CPQ: variants seen among roughly 807,000 people sequenced by gnomAD.
The protein encoded by CPQ is carboxypeptidase Q, also known as Ser-Met dipeptidase.
CPQ carries 37 observed loss-of-function variants against 45.7 expected under a neutral mutation model. The observed-to-expected ratio is 0.81, with a 90% CI of 0.62 to 1.07. CPQ has a LOEUF of 1.07. Among genes scored for constraint, CPQ ranks in the 50% least tolerant of loss-of-function variants. CPQ has a pLI of 0.00. For missense variants in CPQ, 537 were observed against 572.9 expected (o/e 0.94, Z 0.64); for synonymous variants, 186 against 205.8 (o/e 0.90, Z 0.82).
intron 2 of CPQ, among the ~76,000 whole-genome samples, chr8:96,808,670 G>T (rs1481587095): frequency 2.0e-5 from 3 of 152,148 alleles, no homozygotes; most frequent in Non-Finnish European, 2.9e-5. Context: ...CCTTCGTGGT[G>T]GCCGTAAGAT....
At chr8:96,822,844 T>G (rs754876508) in intron 2 of CPQ, among the ~76,000 whole-genome samples, 11 of 152,052 alleles carry the variant, frequency 7.2e-5, no homozygotes, top group Admixed American at 1.3e-4. Context: ...CTTAAATATC[T>G]CCTCAGAGAA....
rs112272431 is a variant in CPQ, at chr8:96,813,189, C to T, written c.434-21784C>T. ...AACTTTTACCACTTCCTAACTCAAG[C>T]CTCAACTCTAGCTCAACCATTCTTC... On this transcript the variant is annotated intron_variant, in intron 2 of 7. Transcript: ENST00000220763. Among the ~76,000 whole-genome samples the T allele has an allele frequency of 1.5e-3, 235 of 152,190 alleles. 1 individual carries two copies. Among genetic ancestry groups the T allele is most frequent in the African/African-American group, 5.5e-3 (230 of 41,542 alleles).
chr8:97,101,951 C>CT (rs1563580569), intron 7 of CPQ, among the ~76,000 whole-genome samples: 66 of 90,770 alleles, frequency 7.3e-4, no homozygotes, highest in African/African-American at 2.6e-3. Flanking sequence ...TCCCTCCCTC[C>CT]CTCTCTCTCT....
At chr8:96,813,554 T>A (rs1811185911) in intron 2 of CPQ, among the ~76,000 whole-genome samples, 1 of 151,996 alleles carries the variant, frequency 6.6e-6, no homozygotes, top group Non-Finnish European at 1.5e-5. Context: ...AAAAGACAGG[T>A]AGGAATTAAA....
chr8:96,941,824 T>C (rs1813126512), intron 4 of CPQ, among the ~76,000 whole-genome samples: 1 of 152,214 alleles, frequency 6.6e-6, no homozygotes, highest in Non-Finnish European at 1.5e-5. Flanking sequence ...TTTTCATATC[T>C]TTACATACAT....
chr8:96,815,061 G>A (rs925711123), intron 2 of CPQ, among the ~76,000 whole-genome samples: 4 of 152,106 alleles, frequency 2.6e-5, no homozygotes, highest in Non-Finnish European at 4.4e-5. Context: ...TGTGTTTGTC[G>A]TAGAGGTGAT....
intron 6 of CPQ, among the ~76,000 whole-genome samples, chr8:97,050,805 C>T (rs1198077606): frequency 1.3e-5 from 2 of 152,186 alleles, no homozygotes. Context: ...TCCCTTTTCA[C>T]TCTCAAAAGT....
chr8:96,772,309 G>A (rs901090593), intron 1 of CPQ, among the ~76,000 whole-genome samples: 1 of 152,088 alleles, frequency 6.6e-6, no homozygotes, highest in African/African-American at 2.4e-5. Flanking sequence ...TGACTATAGA[G>A]TTGAAAAGAG....
At chr8:96,677,014 T>C (rs1809084983) in intron 1 of CPQ, among the ~76,000 whole-genome samples, 2 of 152,160 alleles carry the variant, frequency 1.3e-5, no homozygotes, top group Non-Finnish European at 1.5e-5. Context: ...TTGTTCATTT[T>C]TATGGCTGAG....
intron 1 of CPQ, among the ~76,000 whole-genome samples, chr8:96,769,895 A>T (rs1215098465): frequency 6.6e-6 from 1 of 152,098 alleles, no homozygotes; most frequent in East Asian, 1.9e-4. Context: ...TCTCAGTCCC[A>T]TCATGATGTA....
intron 1 of CPQ, among the ~76,000 whole-genome samples, chr8:96,745,979 T>A (rs1179715640): frequency 6.6e-6 from 1 of 152,214 alleles, no homozygotes; most frequent in Non-Finnish European, 1.5e-5. Flanking sequence ...TTATTGAAAC[T>A]GTGCCAGAGC....
chr8:96,930,386 A>G (rs1812956974), intron 4 of CPQ, among the ~76,000 whole-genome samples: 1 of 152,206 alleles, frequency 6.6e-6, no homozygotes, highest in Non-Finnish European at 1.5e-5. Context: ...CTCACTTGGT[A>G]GCTCCCCCAG....
At chr8:97,119,326 C>CT (rs1244565102) in intron 7 of CPQ, among the ~76,000 whole-genome samples, 1 of 88,858 alleles carries the variant, frequency 1.1e-5, no homozygotes, top group African/African-American at 5.5e-5. Context: ...GAGACTCCAT[C>CT]TCAAAAAAAA....
intron 4 of CPQ, among the ~76,000 whole-genome samples, chr8:96,882,798 A>T (rs1812245781): frequency 6.6e-6 from 1 of 152,172 alleles, no homozygotes; most frequent in South Asian, 2.1e-4. Context: ...GGTATAACTT[A>T]TATAAAATAA....
At chr8:97,127,895 A>G (rs1287585899) in intron 7 of CPQ, among the ~76,000 whole-genome samples, 1 of 152,208 alleles carries the variant, frequency 6.6e-6, no homozygotes, top group Non-Finnish European at 1.5e-5. Flanking sequence ...AGCCTAATCA[A>G]TAGTGACAGG....
At chr8:97,002,496 T>C (rs956219705) in intron 5 of CPQ, among the ~76,000 whole-genome samples, 4 of 152,344 alleles carry the variant, frequency 2.6e-5, no homozygotes, top group African/African-American at 9.6e-5. Context: ...AACTTCTTGA[T>C]TTCTGCCTTA....
chr8:96,921,242 C>T (rs1247519950), intron 4 of CPQ, among the ~76,000 whole-genome samples: 3 of 152,128 alleles, frequency 2.0e-5, no homozygotes, highest in African/African-American at 7.2e-5. Flanking sequence ...GTAGAGCATG[C>T]ACCTGTTCTT....
At chr8:97,096,073 G>GATA (rs1219179558) in intron 7 of CPQ, among the ~76,000 whole-genome samples, 2 of 152,120 alleles carry the variant, frequency 1.3e-5, no homozygotes, top group African/African-American at 4.8e-5. Flanking sequence ...TGATGATGAT[G>GATA]ATGATGATAG....
intron 6 of CPQ, among the ~76,000 whole-genome samples, chr8:97,064,123 G>C (rs750231387): frequency 1.3e-5 from 2 of 152,132 alleles, no homozygotes; most frequent in Non-Finnish European, 2.9e-5. Context: ...CACAGTACAT[G>C]ACTAGAAGCA....
Sources: allele counts gnomAD v4.1 joint callset (sites outside exome capture counted in the v4.1 genomes callset), GRCh38; gene constraint gnomAD v4.1.1; transcripts MANE v1.5; gene names NCBI Gene and HGNC (gene_info 2026-07-23, HGNC 2026-07-21).